TTLL3: variants seen among roughly 807,000 people sequenced by gnomAD.
TTLL3 encodes tubulin monoglycylase TTLL3.
TTLL3 carries 63 observed loss-of-function variants against 75.2 expected under a neutral mutation model. The observed-to-expected ratio is 0.84, with a 90% confidence interval of 0.68 to 1.03. The LOEUF is 1.03. Ranked by LOEUF, TTLL3 falls within the 50% of genes least tolerant of loss-of-function variation. The probability of loss-of-function intolerance (pLI) is 0.00; values close to 1 mark genes in which losing one functional copy is unlikely to be tolerated. For missense variants in TTLL3, 997 were observed against 1,069.9 expected (o/e 0.93, Z 0.95); for synonymous variants, 393 against 418.5 (o/e 0.94, Z 0.74).
At chr3:9,815,766 G>A (rs2079789669) in intron 4 of TTLL3, among the ~76,000 whole-genome samples, 1 of 152,254 alleles carries the variant, frequency 6.6e-6, no homozygotes, top group African/African-American at 2.4e-5. Context: ...TTCTCACGCT[G>A]CCACCGCCTG....
chr3:9,834,471 C>A (rs1426273381), intron 12 of TTLL3: 2 of 822,902 alleles, frequency 2.4e-6, no homozygotes, highest in Non-Finnish European at 4.0e-6. Context: ...GGTTGCACAG[C>A]TCAGAAGGGG....
chr3:9,820,217 C>T (rs2080280602), intron 7 of TTLL3: 1 of 1,096,146 alleles, frequency 9.1e-7, no homozygotes, highest in Non-Finnish European at 1.1e-6. Context: ...TAGGCCAAGA[C>T]TCCCAGGTGC....
chr3:9,822,462 A>G (rs2080539458), intron 8 of TTLL3, among the ~76,000 whole-genome samples: 1 of 151,936 alleles, frequency 6.6e-6, no homozygotes, highest in African/African-American at 2.4e-5. Flanking sequence ...GCATCATATA[A>G]CAGACATACA....
chr3:9,823,636 A>G (rs925401375), intron 8 of TTLL3, among the ~76,000 whole-genome samples: 2 of 152,150 alleles, frequency 1.3e-5, no homozygotes, highest in African/African-American at 4.8e-5. Flanking sequence ...AAAGTTTGTC[A>G]GGACATAGGT....
intron 2 of TTLL3, among the ~76,000 whole-genome samples, chr3:9,812,232 G>A (rs2079420511): frequency 6.6e-6 from 1 of 152,044 alleles, no homozygotes; most frequent in South Asian, 2.1e-4. Flanking sequence ...AAATTATTTG[G>A]GCACCAGATG....
intron 12 of TTLL3, among the ~76,000 whole-genome samples, chr3:9,833,457 C>T (rs1468649104): frequency 6.6e-6 from 1 of 152,226 alleles, no homozygotes; most frequent in Non-Finnish European, 1.5e-5. Flanking sequence ...GCATTTTCAC[C>T]ATGACCTTTT....
intron 6 of TTLL3, 60 bp downstream of exon 6, chr3:9,817,819 T>G: frequency 6.2e-7 from 1 of 1,605,122 alleles, no homozygotes; most frequent in Non-Finnish European, 8.5e-7. Flanking sequence ...GCTGAAGCTC[T>G]GGCTCATATT....
At chr3:9,811,222 G>T (rs1438114144) in intron 2 of TTLL3, among the ~76,000 whole-genome samples, 1 of 152,020 alleles carries the variant, frequency 6.6e-6, no homozygotes, top group Admixed American at 6.6e-5. Flanking sequence ...GCCCCTTCCA[G>T]CCCAGCCTCG....
intron 12 of TTLL3, chr3:9,834,272 G>A: frequency 2.3e-6 from 1 of 426,446 alleles, no homozygotes; most frequent in Non-Finnish European, 4.7e-6. Flanking sequence ...TTTTCCCACT[G>A]CAGTATTCTG....
At chr3:9,834,019 C>T (rs112182474) in intron 12 of TTLL3, 15 of 194,158 alleles carry the variant, frequency 7.7e-5, no homozygotes, top group Middle Eastern at 2.5e-3. Context: ...GACTGAGGCA[C>T]GAGAATCGCT....
At position 9,828,158 on chromosome 3, in the gene TTLL3, A is replaced by T. The variant is rs900749317; in HGVS notation, c.1248-802A>T. 2.0e-5 allele frequency: 3 copies of T among 151,978 alleles called. No individual in the cohort carries two copies. In the South Asian group the frequency reaches 6.2e-4, roughly 32 times the overall value. The allele number at this position is 151,978 out of a possible 1,614,324, so 9.4% of individuals were successfully genotyped here. A position where few individuals can be genotyped will look rare whatever the true frequency, so the allele number is the denominator to read the frequency against. The stretch of plus-strand genomic sequence containing the variant: ...ATCTGTCTCAAAAAAAAAAAAAAAA[A>T]AAAAGATTATATTTGTCGTTGGGGG... On this transcript the variant is annotated intron_variant, in intron 10 of 13. Transcript: ENST00000685419.
rs11918017 is a variant in TTLL3, at chr3:9,833,226, C to T, written c.1806C>T (p.Thr602=). The T allele has an allele frequency of 1.7e-4, 280 of 1,614,020 alleles. 1 individual carries two copies. In the African/African-American group the frequency reaches 3.3e-3, roughly 19 times the overall value. Residue 602 remains threonine, a synonymous_variant, in exon 12 of 14, where the codon ACC becomes ACT. Coordinates refer to ENST00000685419, the MANE Select transcript of TTLL3 (RefSeq NM_001387446.1). ...TCCGCCCAGCAGTCCCTCTGCTGAC[C>T]CAGCGAGGCTCTGGGGAAGGCAAGG... The part of the protein sequence containing the change: ...MGVRPAVPLL[T]QRGSGEARHH...
chr3:9,809,886 G>T, upstream of TTLL3: 1 of 732,824 alleles, frequency 1.4e-6, no homozygotes, highest in Non-Finnish European at 1.9e-6. Flanking sequence ...TAGCAAACGG[G>T]GCGGGGCTTG....
At chr3:9,824,592 G>A (rs1406722232) in intron 8 of TTLL3, among the ~76,000 whole-genome samples, 2 of 152,008 alleles carry the variant, frequency 1.3e-5, no homozygotes, top group African/African-American at 4.8e-5. Context: ...TGTATTTTTA[G>A]GAGAGATGGG....
chr3:9,834,598 C>T lies in TTLL3; in HGVS notation c.1826-83C>T, dbSNP rs1295498300. 29 of 1,578,256 alleles carry T rather than the reference C, an allele frequency of 1.8e-5. No homozygotes were observed. The Admixed American group carries it at 2.9e-4, about 16-fold the overall frequency. ...TTCACCCCATTCCCTCCATATCCCC[C>T]CATCCTCCACACGTACCTGTTAGGG... On this transcript the variant is annotated intron_variant, in intron 12 of 13. Coordinates refer to ENST00000685419, the MANE Select transcript of TTLL3 (RefSeq NM_001387446.1).
chr3:9,834,112 C>CA (rs34679102), intron 12 of TTLL3: 13,040 of 129,006 alleles, frequency 0.1, 159 homozygotes, highest in Non-Finnish European at 0.12. Context: ...AACTCTGTCT[C>CA]AAAAAAAAAA....
intron 11 of TTLL3, among the ~76,000 whole-genome samples, chr3:9,832,590 A>G (rs2081658299): frequency 6.6e-6 from 1 of 152,008 alleles, no homozygotes; most frequent in South Asian, 2.1e-4. Flanking sequence ...CCTCTCCTGG[A>G]CCCTTCTCTC....
chr3:9,835,434 G>A lies in TTLL3; in HGVS notation c.2393G>A (p.Gly798Glu), dbSNP rs773767198. The change falls in exon 14 of 14, where the codon GGG (glycine) becomes GAG (glutamate). Residue 798 changes from glycine to glutamate, a missense_variant. Gly to Glu is a moderately conservative substitution (Grantham distance 98). Transcript: ENST00000685419. ...YLGLDSIAVG[G>E]SRVDGARPCT... Reference sequence around the variant, plus strand: ...GGGCTTGACTCCATTGCTGTTGGAGGGTCAAGAGTGGATGGGGCGAGGCCG... The same window carrying A: ...GGGCTTGACTCCATTGCTGTTGGAGAGTCAAGAGTGGATGGGGCGAGGCCG... The A allele has an allele frequency of 3.1e-6, 5 of 1,612,372 alleles. No homozygotes were observed. Among genetic ancestry groups the A allele is most frequent in the Admixed American group, 1.7e-5 (1 of 59,982 alleles).
In TTLL3 at chr3:9,828,965, T is replaced by C. The variant is rs775922592; in HGVS notation, c.1253T>C (p.Val418Ala). 1.2e-6 allele frequency: 2 copies of C among 1,614,192 alleles called. No homozygotes were observed. The highest frequency in any genetic ancestry group is 1.1e-5 in the South Asian group (1 of 91,080). The part of the protein sequence containing the change: ...PFSLKNLDNS[V>A]HLCNNSIQKH... ...TTTTCTGTTCTCTGCCCCAGCTCAG[T>C]GCACCTGTGCAACAACTCCATCCAG... is the stretch of plus-strand genomic sequence containing the variant. The change falls in exon 11 of 14, where the codon GTG becomes GCG. Residue 418 changes from valine (V) to alanine (A), a missense_variant. By Grantham distance (64) the Val-to-Ala change is moderately conservative. Coordinates refer to ENST00000685419, the MANE Select transcript of TTLL3 (RefSeq NM_001387446.1).
Sources: gnomAD v4.1 joint callset for allele counts (sites outside exome capture counted in the v4.1 genomes callset) on GRCh38, gnomAD v4.1.1 for gene constraint, MANE v1.5 for transcripts, NCBI Gene and HGNC (gene_info 2026-07-23, HGNC 2026-07-21) for gene names.